The following GATAD2B variants were observed in gnomAD, a reference collection of about 807,000 sequenced individuals.
GATAD2B encodes GATA zinc finger domain containing 2B.
In GATAD2B, 8 loss-of-function variants were observed where a neutral mutation model predicts 64.3. The ratio of observed to expected loss-of-function variants is 0.12; its 90% CI spans 0.07 to 0.22. GATAD2B has a LOEUF of 0.22. Ranked by LOEUF, GATAD2B falls within the 10% of genes least tolerant of loss-of-function variation. GATAD2B has a pLI of 1.00. For missense variants in GATAD2B, 453 were observed against 752.0 expected (o/e 0.60, Z 4.65); for synonymous variants, 281 against 271.3 (o/e 1.04, Z -0.35).
intron 2 of GATAD2B, among the ~76,000 whole-genome samples, chr1:153,821,806 T>C (rs1452010560): frequency 6.6e-6 from 1 of 151,082 alleles, no homozygotes; most frequent in Non-Finnish European, 1.5e-5. Context: ...GACCTCGTGA[T>C]CTGCCTGCCT....
chr1:153,826,989 A>C (rs528247936), intron 2 of GATAD2B, among the ~76,000 whole-genome samples: 1 of 151,142 alleles, frequency 6.6e-6, no homozygotes, highest in Non-Finnish European at 1.5e-5. Flanking sequence ...GTGCATGTCC[A>C]TAATCCGGCA....
chr1:153,865,935 T>C (rs1454278396), intron 1 of GATAD2B, among the ~76,000 whole-genome samples: 1 of 152,160 alleles, frequency 6.6e-6, no homozygotes, highest in Non-Finnish European at 1.5e-5. Context: ...CCGGGCACAG[T>C]GGCTCATGCC....
In GATAD2B at chr1:153,808,149, C is replaced by T. The variant is rs1200320702; in HGVS notation, c.*2028G>A. 6.6e-6 allele frequency: 1 copy of T among 152,564 alleles called. No individual in the cohort carries two copies. The highest frequency in any genetic ancestry group is 1.5e-5 in the Non-Finnish European group (1 of 68,030). The allele number at this position is 152,564 out of a possible 1,614,324, so 9.5% of individuals were successfully genotyped here. On this transcript the variant is annotated 3_prime_UTR_variant, in exon 11 of 11. Transcript: ENST00000368655. ...CCACCACTTACAGTCAGGGGTACCA[C>T]ATTCCCCGGAAAAATACTCAAAAAA...
At chr1:153,861,811 C>CAA (rs1557809936) in intron 1 of GATAD2B, among the ~76,000 whole-genome samples, 1 of 94,776 alleles carries the variant, frequency 1.1e-5, no homozygotes, top group East Asian at 2.6e-4. Context: ...TATATATATA[C>CAA]ACATATGTAT....
At chr1:153,897,443 G>C (rs1295339720) in intron 1 of GATAD2B, among the ~76,000 whole-genome samples, 1 of 152,170 alleles carries the variant, frequency 6.6e-6, no homozygotes, top group African/African-American at 2.4e-5. Flanking sequence ...ATGATCTTAT[G>C]CAAGATTGGG....
At chr1:153,880,219 G>A (rs757680611) in intron 1 of GATAD2B, among the ~76,000 whole-genome samples, 4 of 149,100 alleles carry the variant, frequency 2.7e-5, no homozygotes, top group African/African-American at 4.9e-5. Context: ...TTCCAGCACC[G>A]TGGGGGCCGA....
chr1:153,838,123 T>C (rs1675338960), intron 1 of GATAD2B, among the ~76,000 whole-genome samples: 1 of 152,194 alleles, frequency 6.6e-6, no homozygotes, highest in South Asian at 2.1e-4. Context: ...AATCTGGAAT[T>C]ACAACACAGG....
In GATAD2B at chr1:153,860,169, C is replaced by T. The variant is rs900260150; in HGVS notation, c.-1-31821G>A. On this transcript the variant is annotated intron_variant, in intron 1 of 10. Transcript: ENST00000368655. ...ACCTCAAGTAATCCACCTGCCTTGG[C>T]CTCCCAAAGTGCTGGGATTACAGGT... 3.3e-5 allele frequency among the ~76,000 whole-genome samples: 5 copies of T among 151,852 alleles called. No homozygotes were observed. In the East Asian group the frequency reaches 9.7e-4, roughly 29 times the overall value.
intron 10 of GATAD2B, among the ~76,000 whole-genome samples, chr1:153,810,512 G>C (rs1439975181): frequency 1.3e-5 from 2 of 152,060 alleles, no homozygotes; most frequent in Non-Finnish European, 2.9e-5. Flanking sequence ...CCAGGCTGGA[G>C]TGCAGTGGTG....
chr1:153,895,928 G>A (rs181209010), intron 1 of GATAD2B, among the ~76,000 whole-genome samples: 2 of 151,808 alleles, frequency 1.3e-5, no homozygotes, highest in Admixed American at 1.3e-4. Context: ...GGGAGGCTGA[G>A]GTGGGAGGAT....
At chr1:153,814,093 T>TCAC (rs752418013) in intron 7 of GATAD2B, among the ~76,000 whole-genome samples, 4 of 152,234 alleles carry the variant, frequency 2.6e-5, no homozygotes, top group Non-Finnish European at 5.9e-5. Context: ...GTCAAAGGAC[T>TCAC]CTAACTCAAC....
In GATAD2B at chr1:153,886,712, C is replaced by T. The variant is rs150097095; in HGVS notation, c.-2+36021G>A. On this transcript the variant is annotated intron_variant, in intron 1 of 10. Transcript: ENST00000368655. ...GACTACAGGTGCCTGCCAACACGCC[C>T]GGCTAATTTTTTTTTTTTTCGTATT... Among the ~76,000 whole-genome samples the T allele has an allele frequency of 5.4e-3, 819 of 151,086 alleles. 5 individuals are homozygous for T. The highest frequency in any genetic ancestry group is 7.7e-3 in the Non-Finnish European group (523 of 67,798).
At chr1:153,885,351 A>G (rs1017925188) in intron 1 of GATAD2B, among the ~76,000 whole-genome samples, 7 of 152,090 alleles carry the variant, frequency 4.6e-5, no homozygotes, top group Non-Finnish European at 2.9e-5. Context: ...CTCATAGATG[A>G]TTTCACCCAG....
intron 1 of GATAD2B, among the ~76,000 whole-genome samples, chr1:153,893,734 T>A (rs1286355161): frequency 1.3e-5 from 2 of 151,460 alleles, no homozygotes; most frequent in Non-Finnish European, 2.9e-5. Flanking sequence ...CCAAGGTGGG[T>A]GGATCACAGG....
At chr1:153,897,595 T>C (rs1677634579) in intron 1 of GATAD2B, among the ~76,000 whole-genome samples, 1 of 152,190 alleles carries the variant, frequency 6.6e-6, no homozygotes, top group Non-Finnish European at 1.5e-5. Context: ...ACATATTTTC[T>C]ACAAAAAGTC....
At chr1:153,821,084 G>T (rs998258969) in intron 2 of GATAD2B, among the ~76,000 whole-genome samples, 27 of 134,902 alleles carry the variant, frequency 2.0e-4, no homozygotes, top group African/African-American at 7.5e-4. Flanking sequence ...GGCCCCAAGA[G>T]ATTCCCCCCG....
intron 2 of GATAD2B, among the ~76,000 whole-genome samples, chr1:153,824,599 G>C (rs547514836): frequency 1.5e-5 from 2 of 130,226 alleles, no homozygotes; most frequent in Non-Finnish European, 1.6e-5. Flanking sequence ...GCAACAGAGC[G>C]AGACTCTGCC....
rs1674476294 is a variant in GATAD2B, at chr1:153,816,187, G to A, written c.1216+86C>T. Reference sequence around the variant, plus strand: ...CAGGAAGGAGAAGTTATTTAATATTGTACAGTACCCTCTGATACTCTGCCT... The same window carrying A: ...CAGGAAGGAGAAGTTATTTAATATTATACAGTACCCTCTGATACTCTGCCT... On this transcript the variant is annotated intron_variant, in intron 7 of 10. Coordinates refer to ENST00000368655, the MANE Select transcript of GATAD2B (RefSeq NM_020699.4). This position sits in a 1 kb window ranked among gnomAD's most constrained non-coding sequence, Gnocchi z 4.9. 1 of 854,328 alleles carries A rather than the reference G, an allele frequency of 1.2e-6. No individual in the cohort carries two copies. The highest frequency in any genetic ancestry group is 1.9e-6 in the Non-Finnish European group (1 of 514,440). 52.9% of individuals were successfully genotyped at this position (854,328 alleles called of 1,614,324 possible).
chr1:153,919,305 A>C (rs538385547), intron 1 of GATAD2B, among the ~76,000 whole-genome samples: 1 of 152,364 alleles, frequency 6.6e-6, no homozygotes, highest in East Asian at 1.9e-4. Context: ...AACATTACCA[A>C]GCCACCATCT....
Sources: gnomAD v4.1 joint callset for allele counts (sites outside exome capture counted in the v4.1 genomes callset) on GRCh38, gnomAD v4.1.1 for gene constraint, Gnocchi (gnomAD v3.1) non-coding constraint, MANE v1.5 for transcripts, NCBI Gene and HGNC (gene_info 2026-07-23, HGNC 2026-07-21) for gene names.